Variants in SI observed in about 807,000 individuals in gnomAD.
SI encodes sucrase-isomaltase.
A neutral mutation model predicts 253.3 loss-of-function variants in SI; 235 were observed. The ratio of observed to expected loss-of-function variants is 0.93; its 90% CI spans 0.83 to 1.03. The LOEUF is 1.03. Ranked by LOEUF, SI falls within the 50% of genes least tolerant of loss-of-function variation. The pLI, the probability that SI is intolerant of heterozygous loss-of-function variation, is 0.00. For synonymous variants in SI, 819 were observed against 712.0 expected, an observed-to-expected ratio of 1.15 and a Z score of -2.39; for missense variants, 2,442 against 2,211.1, an observed-to-expected ratio of 1.10 and a Z score of -2.09.
chr3:165,049,077 A>AT (rs761263935), intron 15 of SI, 50 bp downstream of exon 15: 5 of 1,031,824 alleles, frequency 4.8e-6, no homozygotes, highest in Non-Finnish European at 7.7e-6. Flanking sequence ...TATCAAAAAC[A>AT]TTTTTAAGCA....
At chr3:165,006,618 A>G (rs1718521456) in intron 37 of SI, among the ~76,000 whole-genome samples, 198 bp downstream of exon 37, 1 of 152,210 alleles carries the variant, frequency 6.6e-6, no homozygotes, top group South Asian at 2.1e-4. Flanking sequence ...AATTAGAATA[A>G]TAACAATAAA....
intron 15 of SI, among the ~76,000 whole-genome samples, chr3:165,048,101 G>A (rs763715169): frequency 6.6e-6 from 1 of 151,934 alleles, no homozygotes; most frequent in Non-Finnish European, 1.5e-5. Context: ...GTAACACCAT[G>A]AATACAGTGG....
chr3:165,061,048 T>G (rs982230614), intron 9 of SI, among the ~76,000 whole-genome samples: 5 of 151,546 alleles, frequency 3.3e-5, no homozygotes, highest in African/African-American at 4.8e-5. Context: ...CTCTCAAGAA[T>G]TAGTATGTTT....
Position 165,021,287 on chromosome 3 carries a change from C to G in SI, c.3196G>C (p.Glu1066Gln). The change falls in exon 27 of 48, where the codon GAA (glutamate) becomes CAA (glutamine). Residue 1066 changes from glutamate to glutamine, a missense_variant. Transcript: ENST00000264382. ...STYEDRLYDV[E>Q]IKENPFGIQI... ...ATGCCAAAAGGATTTTCCTTGATTTCCACATCATAAAGTCTGTCTTCATAA... is the reference window on the plus strand; with the variant it reads ...ATGCCAAAAGGATTTTCCTTGATTTGCACATCATAAAGTCTGTCTTCATAA... 3 of 1,611,462 alleles carry G rather than the reference C, an allele frequency of 1.9e-6. No individual in the cohort carries two copies. The highest frequency in any genetic ancestry group is 3.3e-4 in the Middle Eastern group (2 of 6,050).
chr3:165,011,496 A>G (rs1718764364), intron 34 of SI, among the ~76,000 whole-genome samples: 2 of 152,008 alleles, frequency 1.3e-5, no homozygotes, highest in African/African-American at 4.8e-5. Flanking sequence ...TCTTCTCACA[A>G]TTTTTAAGGC....
At chr3:165,046,283 C>A (rs546019358) in intron 16 of SI, among the ~76,000 whole-genome samples, 1 of 151,988 alleles carries the variant, frequency 6.6e-6, no homozygotes, top group Non-Finnish European at 1.5e-5. Context: ...TAGTGTCTCT[C>A]TTTAGTCTTG....
chr3:165,065,273 T>C lies in SI; in HGVS notation c.795A>G (p.Gln265=), dbSNP rs1714177754. 6.2e-7 allele frequency: 1 copy of C among 1,600,874 alleles called. No individual in the cohort carries two copies. Among genetic ancestry groups the C allele is most frequent in the Non-Finnish European group, 8.5e-7 (1 of 1,170,098 alleles). ...WKTWPIFTRD[Q]LPGDNNNNLY... ...AATAATTTCTTACATCACCAGGAAG[T>C]TGGTCTCGAGTAAAAATTGGCCATG... The change falls in exon 7 of 48, where the codon CAA becomes CAG. Residue 265 remains glutamine (Q), a synonymous_variant. Transcript: ENST00000264382.
intron 12 of SI, among the ~76,000 whole-genome samples, chr3:165,056,613 CAA>C (rs1713705819): frequency 6.6e-6 from 1 of 152,084 alleles, no homozygotes; most frequent in South Asian, 2.1e-4. Flanking sequence ...GAAGGGAGAG[CAA>C]AGTGATTGTG....
Position 165,031,508 on chromosome 3 carries a change from C to G in SI, c.2737-641G>C, listed in dbSNP as rs539153609. ...TAAAGTTCACAATAAGCTTGTATTA[C>G]TTAATTTATATCAATTTATTCTTAT... On this transcript the variant is annotated intron_variant, in intron 24 of 47. Transcript: ENST00000264382. 2.0e-5 allele frequency among the ~76,000 whole-genome samples: 3 copies of G among 149,740 alleles called. No individual in the cohort carries two copies. In the East Asian group the frequency reaches 5.9e-4, roughly 29 times the overall value.
At chr3:165,052,952 T>G (rs1043497521) in intron 13 of SI, among the ~76,000 whole-genome samples, 1 of 150,834 alleles carries the variant, frequency 6.6e-6, no homozygotes, top group South Asian at 2.1e-4. Context: ...TATTAAATTA[T>G]TCAGTTTTTT....
intron 33 of SI, among the ~76,000 whole-genome samples, chr3:165,013,380 A>C (rs1718862373): frequency 6.6e-6 from 1 of 152,112 alleles, no homozygotes; most frequent in African/African-American, 2.4e-5. Flanking sequence ...AGTATATTAG[A>C]ATTATTTGTA....
Position 165,043,077 on chromosome 3 carries a change from A to G in SI, c.1986T>C (p.His662=). 4 of 1,607,684 alleles carry G rather than the reference A, an allele frequency of 2.5e-6. No homozygotes were observed. Among genetic ancestry groups the G allele is most frequent in the Non-Finnish European group, 3.4e-6 (4 of 1,174,560 alleles). ...CTCTTACTTCATATCCGTCAGAATTATGGTTTCTGGAAAATGGATAAAATG... is the reference window on the plus strand; with the variant it reads ...CTCTTACTTCATATCCGTCAGAATTGTGGTTTCTGGAAAATGGATAAAATG... The part of the protein sequence containing the change: ...LGAFYPFSRN[H]NSDGYEHQDP... Residue 662 remains histidine (H), a synonymous_variant, in exon 17 of 48, where the codon CAT becomes CAC. Transcript: ENST00000264382.
intron 15 of SI, among the ~76,000 whole-genome samples, chr3:165,047,959 T>C (rs921565153): frequency 6.6e-6 from 1 of 152,088 alleles, no homozygotes; most frequent in African/African-American, 2.4e-5. Context: ...AATGTGTAAC[T>C]ACATTCTCAA....
At chr3:165,082,299 A>T (rs949737837), upstream of SI, among the ~76,000 whole-genome samples, 1 of 151,962 alleles carries the variant, frequency 6.6e-6, no homozygotes, top group Middle Eastern at 3.4e-3. Context: ...CTCATACGTA[A>T]TTCTATTTAT....
the SI span, among the ~76,000 whole-genome samples, chr3:165,087,375 T>C: frequency 6.6e-6 from 1 of 151,944 alleles, no homozygotes; most frequent in African/African-American, 2.4e-5. Context: ...TAGTCTACTG[T>C]TAAGGGAATG....
At chr3:165,004,065 G>A (rs1455408000) in intron 37 of SI, among the ~76,000 whole-genome samples, 1 of 151,988 alleles carries the variant, frequency 6.6e-6, no homozygotes, top group Non-Finnish European at 1.5e-5. Flanking sequence ...AGGGATTAAT[G>A]ACCAGAATAT....
At position 165,075,893 on chromosome 3, in the gene SI, A is replaced by G; in HGVS notation, c.118+2T>C. 1 of 1,495,778 alleles carries G rather than the reference A, an allele frequency of 6.7e-7. No individual in the cohort carries two copies. The highest frequency in any genetic ancestry group is 2.3e-5 in the East Asian group (1 of 44,202). The allele number at this position is 1,495,778 out of a possible 1,614,324, so 92.7% of individuals were successfully genotyped here. ...TAGCCATGCTTTTAATGTACTACTT[A>G]CCATCAACAGCAGGTGTCTTAGTTG... is the stretch of plus-strand genomic sequence containing the variant. On this transcript the variant is annotated splice_donor_variant, in intron 2 of 47. Transcript: ENST00000264382. LOFTEE classifies it high-confidence loss of function.
rs764944296 is a variant in SI at position 165,065,356 on chromosome 3, T to C, written c.712A>G (p.Ile238Val). The change falls in exon 7 of 48, where the codon ATT becomes GTT. Residue 238 changes from isoleucine (I) to valine (V), a missense_variant. Ile to Val is a conservative substitution (Grantham distance 29, BLOSUM62 3). Coordinates refer to ENST00000264382, the MANE Select transcript of SI (RefSeq NM_001041.4). The stretch of plus-strand genomic sequence containing the variant: ...TGAACTTGTTCTCCAATACCATAAA[T>C]ATAATCACTTGGAAGACGGGTTGAG... ...QISTRLPSDY[I>V]YGIGEQVHKR... is the part of the protein sequence containing the mutation. The C allele has an allele frequency of 1.9e-6, 3 of 1,594,622 alleles. No homozygotes were observed. The highest frequency in any genetic ancestry group is 3.4e-5 in the Admixed American group (2 of 59,538).
intron 5 of SI, 125 bp from the exon 6 acceptor site, chr3:165,067,616 T>C (rs1175085192): frequency 1.2e-6 from 1 of 818,554 alleles, no homozygotes; most frequent in East Asian, 2.5e-5. Flanking sequence ...TAGAAGAGTA[T>C]TAATTCAGAA....
Sources: allele counts gnomAD v4.1 joint callset (sites outside exome capture counted in the v4.1 genomes callset), GRCh38; gene constraint gnomAD v4.1.1; transcripts MANE v1.5; gene names NCBI Gene and HGNC (gene_info 2026-07-23, HGNC 2026-07-21).